Variants in LRRC4C observed in about 807,000 individuals in gnomAD.
LRRC4C encodes leucine-rich repeat-containing protein 4C.
In LRRC4C, 5 loss-of-function variants were observed where a neutral mutation model predicts 33.6. The ratio of observed to expected loss-of-function variants is 0.15; its 90% CI spans 0.08 to 0.31. LRRC4C has a LOEUF of 0.31. Ranked by LOEUF, LRRC4C falls within the 10% of genes least tolerant of loss-of-function variation. The pLI, the probability that LRRC4C is intolerant of heterozygous loss-of-function variation, is 1.00. For missense variants in LRRC4C, 560 were observed against 796.7 expected (o/e 0.70, Z 3.58); for synonymous variants, 329 against 302.0 (o/e 1.09, Z -0.93).
At chr11:41,044,314 GATA>G (rs1259030976) in intron 1 of LRRC4C, among the ~76,000 whole-genome samples, 1 of 152,124 alleles carries the variant, frequency 6.6e-6, no homozygotes, top group Admixed American at 6.5e-5. Context: ...GTGAATGCAG[GATA>G]ATATTTTTTC....
intron 3 of LRRC4C, among the ~76,000 whole-genome samples, chr11:40,588,414 T>G (rs1958867266): frequency 6.6e-6 from 1 of 152,136 alleles, no homozygotes; most frequent in Admixed American, 6.5e-5. Context: ...TTGTTGATCC[T>G]TTCAAAAAAC....
At chr11:40,587,086 A>G (rs1958792852) in intron 3 of LRRC4C, among the ~76,000 whole-genome samples, 1 of 151,824 alleles carries the variant, frequency 6.6e-6, no homozygotes, top group African/African-American at 2.4e-5. Context: ...TTTTCATGAT[A>G]TTGATTCTTC....
At chr11:40,270,524 T>C (rs1942613896) in intron 4 of LRRC4C, among the ~76,000 whole-genome samples, 1 of 152,084 alleles carries the variant, frequency 6.6e-6, no homozygotes, top group Non-Finnish European at 1.5e-5. Flanking sequence ...TTGGAAGCAT[T>C]GGGTGATCAG....
chr11:40,130,470 A>G (rs2134798039), intron 6 of LRRC4C, among the ~76,000 whole-genome samples: 1 of 152,266 alleles, frequency 6.6e-6, no homozygotes, highest in African/African-American at 2.4e-5. Context: ...TTTTCAAAGC[A>G]ACATTTTGCA....
intron 2 of LRRC4C, among the ~76,000 whole-genome samples, chr11:40,792,060 CT>C (rs750227203): frequency 4.0e-5 from 6 of 151,878 alleles, no homozygotes; most frequent in Non-Finnish European, 8.8e-5. Context: ...TTAGTTTGAA[CT>C]TTTTTAACTA....
At chr11:40,774,194 C>G (rs1949882153) in intron 2 of LRRC4C, among the ~76,000 whole-genome samples, 1 of 152,046 alleles carries the variant, frequency 6.6e-6, no homozygotes. Flanking sequence ...TTTATCCTGG[C>G]TGAATAATAT....
At chr11:40,178,403 A>G (rs1860696579) in intron 5 of LRRC4C, among the ~76,000 whole-genome samples, 1 of 152,138 alleles carries the variant, frequency 6.6e-6, no homozygotes, top group Non-Finnish European at 1.5e-5. Context: ...ACTGTATACA[A>G]CCCCAGTTAA....
intron 3 of LRRC4C, among the ~76,000 whole-genome samples, chr11:40,506,218 A>T (rs1955025678): frequency 6.6e-6 from 1 of 152,206 alleles, no homozygotes; most frequent in African/African-American, 2.4e-5. Context: ...ATTTATAATG[A>T]TGAGATGAAG....
At chr11:41,391,844 A>G (rs1953609557) in intron 1 of LRRC4C, among the ~76,000 whole-genome samples, 1 of 151,940 alleles carries the variant, frequency 6.6e-6, no homozygotes, top group South Asian at 2.1e-4. Flanking sequence ...GGTCTCAAAA[A>G]ATTAATAGAA....
intron 2 of LRRC4C, among the ~76,000 whole-genome samples, chr11:40,696,384 T>C: frequency 7.8e-6 from 1 of 128,864 alleles, no homozygotes; most frequent in Admixed American, 8.8e-5. Context: ...GTATATGGTA[T>C]ATATATATGA....
chr11:40,338,913 C>T (rs552835637), intron 3 of LRRC4C, among the ~76,000 whole-genome samples: 58 of 152,144 alleles, frequency 3.8e-4, no homozygotes, highest in Middle Eastern at 3.2e-3. Context: ...ATGACTCATC[C>T]GATCACTTAG....
At chr11:40,355,906 T>A (rs1484726654) in intron 3 of LRRC4C, among the ~76,000 whole-genome samples, 1 of 151,028 alleles carries the variant, frequency 6.6e-6, no homozygotes, top group African/African-American at 2.4e-5. Flanking sequence ...TTGCTTCATC[T>A]CCTCCCTTGC....
chr11:41,067,948 GA>G (rs1938381109), intron 1 of LRRC4C, among the ~76,000 whole-genome samples: 1 of 152,102 alleles, frequency 6.6e-6, no homozygotes, highest in Non-Finnish European at 1.5e-5. Context: ...GGCCACATCA[GA>G]AAGCTAGAAA....
At chr11:41,293,986 T>C (rs901573385) in intron 1 of LRRC4C, among the ~76,000 whole-genome samples, 1 of 152,180 alleles carries the variant, frequency 6.6e-6, no homozygotes, top group Non-Finnish European at 1.5e-5. Flanking sequence ...TTTGAGCCTT[T>C]TAAATGAAAG....
At chr11:40,488,896 C>A (rs1378432702) in intron 3 of LRRC4C, among the ~76,000 whole-genome samples, 1 of 151,996 alleles carries the variant, frequency 6.6e-6, no homozygotes, top group African/African-American at 2.4e-5. Context: ...CTTATGCCTG[C>A]CCAATGATAT....
chr11:41,442,755 C>T lies in LRRC4C; in HGVS notation c.-496+16676G>A, dbSNP rs544729073. ...AAGTGCTGGGATTACAGGCGTGAGC[C>T]ACCGCGCCCGGCCTGTTGCTTCTTT... On this transcript the variant is annotated intron_variant, in intron 1 of 6. Coordinates refer to ENST00000528697, the MANE Select transcript of LRRC4C (RefSeq NM_001258419.2). Among the ~76,000 whole-genome samples, 17 of 152,120 alleles carry T rather than the reference C, an allele frequency of 1.1e-4. No homozygotes were observed. The East Asian group carries it at 1.5e-3, about 14-fold the overall frequency.
At chr11:41,279,453 G>A in intron 1 of LRRC4C, among the ~76,000 whole-genome samples, 1 of 146,940 alleles carries the variant, frequency 6.8e-6, no homozygotes, top group Non-Finnish European at 1.5e-5. Flanking sequence ...GCCTGCAATG[G>A]GTACAAGAAG....
Position 40,774,571 on chromosome 11 carries a change from G to T in LRRC4C, c.-406-126293C>A, listed in dbSNP as rs184637529. 2.8e-4 allele frequency among the ~76,000 whole-genome samples: 43 copies of T among 152,200 alleles called. No homozygotes were observed. The East Asian group carries it at 8.3e-3, about 29-fold the overall frequency. On this transcript the variant is annotated intron_variant, in intron 2 of 6. Transcript: ENST00000528697. ...AGACACTAGAATAGATTTGACTAAA[G>T]ATTCAATAAAGTTGAGAGAAGAGTT...
Position 40,382,669 on chromosome 11 carries a change from C to G in LRRC4C, c.-269-62948G>C, listed in dbSNP as rs149438604. Among the ~76,000 whole-genome samples the G allele has an allele frequency of 1.8e-4, 20 of 112,112 alleles. No individual in the cohort carries two copies. The East Asian group carries it at 6.1e-3, about 34-fold the overall frequency. 73.5% of individuals were successfully genotyped at this position (112,112 alleles called of 152,430 possible). A position where few individuals can be genotyped will look rare whatever the true frequency, so the allele number is the denominator to read the frequency against. ...ATCTCTGGGACTTCATTTTGCACAA[C>G]TAAAACTTGTACTCATTTTTTTTTT... On this transcript the variant is annotated intron_variant, in intron 3 of 6. Transcript: ENST00000528697.
Sources: allele counts gnomAD v4.1 joint callset (sites outside exome capture counted in the v4.1 genomes callset), GRCh38; gene constraint gnomAD v4.1.1; transcripts MANE v1.5; gene names NCBI Gene and HGNC (gene_info 2026-07-23, HGNC 2026-07-21).